PRDM16: variants seen among roughly 807,000 people sequenced by gnomAD.
The protein encoded by PRDM16 is histone-lysine N-methyltransferase PRDM16.
A neutral mutation model predicts 110.6 loss-of-function variants in PRDM16; 23 were observed. The ratio of observed to expected loss-of-function variants is 0.21; its 90% CI spans 0.15 to 0.29. The LOEUF is 0.29. Ranked by LOEUF, PRDM16 falls within the 10% of genes least tolerant of loss-of-function variation. PRDM16 has a pLI of 1.00. For synonymous variants in PRDM16, 799 were observed against 781.8 expected, an observed-to-expected ratio of 1.02 and a Z score of -0.37; for missense variants, 1,615 against 1,794.3, an observed-to-expected ratio of 0.90 and a Z score of 1.81.
chr1:3,134,912 G>A (rs980103138), intron 1 of PRDM16, among the ~76,000 whole-genome samples: 4 of 152,314 alleles, frequency 2.6e-5, no homozygotes, highest in East Asian at 3.9e-4. Context: ...GGATCGGGCC[G>A]GGTATTAGCC....
intron 3 of PRDM16, among the ~76,000 whole-genome samples, chr1:3,296,146 A>G (rs1317999910): frequency 6.6e-6 from 1 of 152,108 alleles, no homozygotes; most frequent in Non-Finnish European, 1.5e-5. Context: ...TACGTTCCGG[A>G]ACCGTACGGG....
intron 2 of PRDM16, among the ~76,000 whole-genome samples, chr1:3,225,404 G>C (rs779613174): frequency 2.0e-5 from 3 of 152,088 alleles, no homozygotes; most frequent in Non-Finnish European, 4.4e-5. Context: ...CCTTTAGTGC[G>C]TGCCTGTGTG....
At chr1:3,104,252 C>T (rs1050894388) in intron 1 of PRDM16, among the ~76,000 whole-genome samples, 1 of 152,216 alleles carries the variant, frequency 6.6e-6, no homozygotes, top group African/African-American at 2.4e-5. Flanking sequence ...GAGGCGGCCT[C>T]CCAGAGGGAA....
intron 3 of PRDM16, among the ~76,000 whole-genome samples, chr1:3,334,776 G>A (rs1340240293): frequency 6.6e-6 from 1 of 152,214 alleles, no homozygotes; most frequent in Non-Finnish European, 1.5e-5. Flanking sequence ...TGCTCGCCGG[G>A]AACAGAGCAA....
rs886442800 is a variant in PRDM16, at chr1:3,081,333, G to A, written c.37+12037G>A. On this transcript the variant is annotated intron_variant, in intron 1 of 16. Transcript: ENST00000270722. The surrounding 1 kb of genome is among the most constrained non-coding windows in gnomAD (Gnocchi z 4.6). ...TTCCAGAGGGTTTTAGGTTGCGTCC[G>A]CTCCTGACAGGTGACCCTTGTTCAA... is the stretch of plus-strand genomic sequence containing the variant. Among the ~76,000 whole-genome samples the A allele has an allele frequency of 2.0e-5, 3 of 152,166 alleles. No individual in the cohort carries two copies. The highest frequency in any genetic ancestry group is 7.2e-5 in the African/African-American group (3 of 41,442).
At chr1:3,360,399 A>G (rs999600055) in intron 3 of PRDM16, among the ~76,000 whole-genome samples, 5 of 152,198 alleles carry the variant, frequency 3.3e-5, no homozygotes, top group African/African-American at 1.2e-4. Context: ...AACAGAGGCT[A>G]AGAACTATGC....
chr1:3,178,001 G>A (rs865861083), intron 1 of PRDM16, among the ~76,000 whole-genome samples: 4 of 152,164 alleles, frequency 2.6e-5, no homozygotes, highest in African/African-American at 4.8e-5. Context: ...ACGCCAGGCC[G>A]CGGCGTCTTG....
At position 3,390,208 on chromosome 1, in the gene PRDM16, G is replaced by C. The variant is rs1035874218; in HGVS notation, c.573+4922G>C. ...TCACAGCCGGCGCTTTCTGTTTTTT[G>C]GTTTATCTTTTTCTCATGTTGCCTC... is the stretch of plus-strand genomic sequence containing the variant. On this transcript the variant is annotated intron_variant, in intron 4 of 16. Transcript: ENST00000270722. This position sits in a 1 kb window ranked among gnomAD's most constrained non-coding sequence, Gnocchi z 5.0. Among the ~76,000 whole-genome samples, 1 of 152,132 alleles carries C rather than the reference G, an allele frequency of 6.6e-6. No homozygotes were observed. The highest frequency in any genetic ancestry group is 2.4e-5 in the African/African-American group (1 of 41,416).
Position 3,201,435 on chromosome 1 carries a change from C to A in PRDM16, c.387+14961C>A, listed in dbSNP as rs1345949809. Among the ~76,000 whole-genome samples the A allele has an allele frequency of 1.2e-4, 18 of 152,192 alleles. No homozygotes were observed. The highest frequency in any genetic ancestry group is 1.5e-5 in the Non-Finnish European group (1 of 68,038). ...GCCCAAGCCACGGGAGCCAGCCTCA[C>A]CCTGGCCCCACACCAGAGCTCCCAC... On this transcript the variant is annotated intron_variant, in intron 2 of 16. Transcript: ENST00000270722. The surrounding 1 kb of genome is among the most constrained non-coding windows in gnomAD (Gnocchi z 4.1).
At chr1:3,112,331 G>C (rs987108306) in intron 1 of PRDM16, among the ~76,000 whole-genome samples, 5 of 152,244 alleles carry the variant, frequency 3.3e-5, no homozygotes, top group African/African-American at 1.2e-4. Context: ...TGAAATTTCA[G>C]GGCTGAGCAT....
rs571074621 is a variant in PRDM16, at chr1:3,426,739, A to G, written c.3284+514A>G. 1.8e-3 allele frequency among the ~76,000 whole-genome samples: 271 copies of G among 152,320 alleles called. 2 individuals carry two copies. Among genetic ancestry groups the G allele is most frequent in the African/African-American group, 6.3e-3 (260 of 41,574 alleles). ...GATGCACGTTTGTATACATGTGTAT[A>G]CATATGCCATTGATGAATCCTCACT... On this transcript the variant is annotated intron_variant, in intron 14 of 16. Coordinates refer to ENST00000270722, the MANE Select transcript of PRDM16 (RefSeq NM_022114.4).
At chr1:3,402,590 G>C (rs1170097977) in intron 5 of PRDM16, among the ~76,000 whole-genome samples, 2 of 152,176 alleles carry the variant, frequency 1.3e-5, no homozygotes, top group Non-Finnish European at 2.9e-5. Flanking sequence ...CCAGGGCTGG[G>C]CCCTGGGGAC....
intron 3 of PRDM16, among the ~76,000 whole-genome samples, chr1:3,259,334 C>T (rs1640114206): frequency 6.6e-6 from 1 of 152,214 alleles, no homozygotes; most frequent in African/African-American, 2.4e-5. Context: ...ACCATGATGA[C>T]TGTGCCTGGG....
intron 2 of PRDM16, among the ~76,000 whole-genome samples, chr1:3,199,041 A>C (rs1313081891): frequency 2.0e-5 from 3 of 152,164 alleles, no homozygotes; most frequent in Non-Finnish European, 4.4e-5. Context: ...TTACAAGTAG[A>C]AGCGGCCTTG....
intron 1 of PRDM16, among the ~76,000 whole-genome samples, chr1:3,170,146 T>C (rs1644009206): frequency 6.6e-6 from 1 of 152,242 alleles, no homozygotes; most frequent in Non-Finnish European, 1.5e-5. Context: ...AGGGTTAAGT[T>C]CTTGATTCCG....
intron 3 of PRDM16, among the ~76,000 whole-genome samples, chr1:3,287,273 C>G (rs750006360): frequency 1.4e-5 from 2 of 144,236 alleles, no homozygotes; most frequent in South Asian, 4.5e-4. Flanking sequence ...GGAGGCGCCC[C>G]GCCACGCGGG....
At chr1:3,274,972 T>C (rs1333336052) in intron 3 of PRDM16, among the ~76,000 whole-genome samples, 5 of 152,134 alleles carry the variant, frequency 3.3e-5, no homozygotes, top group African/African-American at 4.8e-5. Context: ...TGCTCGAGAT[T>C]TGAGAAGGGT....
At chr1:3,309,298 G>A (rs1300395593) in intron 3 of PRDM16, 1 of 152,278 alleles carries the variant, frequency 6.6e-6, no homozygotes, top group Non-Finnish European at 1.5e-5. Flanking sequence ...AATGGTGGAG[G>A]GGTCATGGGG....
chr1:3,136,302 C>T (rs982059954), intron 1 of PRDM16, among the ~76,000 whole-genome samples: 2 of 152,240 alleles, frequency 1.3e-5, no homozygotes, highest in African/African-American at 4.8e-5. Context: ...CGGCGAGGCA[C>T]GCCAGGCACT....
Sources: allele counts gnomAD v4.1 joint callset (sites outside exome capture counted in the v4.1 genomes callset), GRCh38; gene constraint gnomAD v4.1.1; non-coding constraint Gnocchi (gnomAD v3.1); transcripts MANE v1.5; gene names NCBI Gene and HGNC (gene_info 2026-07-23, HGNC 2026-07-21).